The following CNTN5 variants were observed in gnomAD, a reference collection of about 807,000 sequenced individuals.
CNTN5 encodes contactin-5.
CNTN5 carries 77 observed loss-of-function variants against 129.1 expected under a neutral mutation model. The ratio of observed to expected loss-of-function variants is 0.60; its 90% CI spans 0.50 to 0.72. The LOEUF (loss-of-function observed/expected upper bound fraction) is 0.72. Among genes scored for constraint, CNTN5 ranks in the 30% least tolerant of loss-of-function variants. The pLI is 0.00. For synonymous variants in CNTN5, 509 were observed against 465.6 expected (o/e 1.09, Z -1.20); for missense variants, 1,478 against 1,328.8 (o/e 1.11, Z -1.75).
intron 6 of CNTN5, among the ~76,000 whole-genome samples, chr11:99,853,554 C>T (rs1947943037): frequency 6.6e-6 from 1 of 152,078 alleles, no homozygotes; most frequent in Admixed American, 6.6e-5. Context: ...CATGCGCCAC[C>T]ATGCCTGGCT....
intron 6 of CNTN5, among the ~76,000 whole-genome samples, chr11:99,893,148 C>T (rs894872563): frequency 6.6e-6 from 1 of 151,972 alleles, no homozygotes; most frequent in Non-Finnish European, 1.5e-5. Flanking sequence ...TAGGAAAATT[C>T]CAGAACATGA....
chr11:100,119,460 G>A (rs1240092969), intron 13 of CNTN5, among the ~76,000 whole-genome samples: 2 of 151,796 alleles, frequency 1.3e-5, no homozygotes, highest in Non-Finnish European at 2.9e-5. Context: ...CAACAAAACA[G>A]TTCTTACTAA....
At chr11:100,055,012 C>A (rs1419037320) in intron 9 of CNTN5, among the ~76,000 whole-genome samples, 1 of 110,754 alleles carries the variant, frequency 9.0e-6, no homozygotes, top group Admixed American at 1.2e-4. Context: ...TGCCAGAAAT[C>A]ATCATAGCCG....
At chr11:99,227,153 G>A (rs926207573) in intron 1 of CNTN5, among the ~76,000 whole-genome samples, 3 of 152,118 alleles carry the variant, frequency 2.0e-5, no homozygotes, top group Non-Finnish European at 1.5e-5. Context: ...GAGGTCAGGA[G>A]ATCAAGGCCA....
rs565049717 is a variant in CNTN5 at position 99,908,910 on chromosome 11, G to C, written c.578-7144G>C. On this transcript the variant is annotated intron_variant, in intron 6 of 24. Transcript: ENST00000524871. Reference sequence around the variant, plus strand: ...CCCTTTGGAGGACTGATTAATGTCTGATAATATGTAAAGTGAAAATGGCAA... The same window carrying C: ...CCCTTTGGAGGACTGATTAATGTCTCATAATATGTAAAGTGAAAATGGCAA... Among the ~76,000 whole-genome samples the C allele has an allele frequency of 2.0e-5, 3 of 152,100 alleles. No individual in the cohort carries two copies. In the East Asian group the frequency reaches 5.8e-4, roughly 29 times the overall value.
At position 100,256,395 on chromosome 11, in the gene CNTN5, A is replaced by G. The variant is rs576688868; in HGVS notation, c.2164+477A>G. 7.2e-5 allele frequency among the ~76,000 whole-genome samples: 11 copies of G among 152,326 alleles called. No individual in the cohort carries two copies. In the South Asian group the frequency reaches 2.3e-3, roughly 32 times the overall value. ...TATGAAATTTTATTATGTAGACTCA[A>G]GTAACCATCAAGACAATCAGGATAT... is the stretch of plus-strand genomic sequence containing the variant. On this transcript the variant is annotated intron_variant, in intron 17 of 24. Coordinates refer to ENST00000524871, the MANE Select transcript of CNTN5 (RefSeq NM_014361.4).
At chr11:99,099,644 G>C (rs994566840) in intron 1 of CNTN5, among the ~76,000 whole-genome samples, 1 of 151,982 alleles carries the variant, frequency 6.6e-6, no homozygotes, top group Middle Eastern at 3.4e-3. Flanking sequence ...TCATTGCCCA[G>C]ACTCCCACTT....
chr11:99,641,395 G>C (rs555373100), intron 3 of CNTN5, among the ~76,000 whole-genome samples: 3 of 121,948 alleles, frequency 2.5e-5, no homozygotes, highest in Non-Finnish European at 3.7e-5. Flanking sequence ...TTACTAAACT[G>C]TGAATTGGTT....
At chr11:99,520,965 C>A (rs1453300007) in intron 2 of CNTN5, among the ~76,000 whole-genome samples, 1 of 152,048 alleles carries the variant, frequency 6.6e-6, no homozygotes, top group Non-Finnish European at 1.5e-5. Flanking sequence ...CTTTCAATTG[C>A]ATAGTAATAT....
chr11:100,190,746 A>G (rs1479183933), intron 13 of CNTN5, among the ~76,000 whole-genome samples: 46 of 148,802 alleles, frequency 3.1e-4, no homozygotes, highest in Admixed American at 2.3e-3. Flanking sequence ...TTTTTTATAT[A>G]TGACTTTTGA....
At chr11:99,039,225 A>G (rs1269746280) in intron 1 of CNTN5, among the ~76,000 whole-genome samples, 1 of 152,194 alleles carries the variant, frequency 6.6e-6, no homozygotes, top group African/African-American at 2.4e-5. Context: ...AGAGGAATTG[A>G]TTTCAACAAA....
chr11:99,248,391 C>T (rs1243055008), intron 1 of CNTN5, among the ~76,000 whole-genome samples: 2 of 152,070 alleles, frequency 1.3e-5, no homozygotes, highest in Middle Eastern at 3.4e-3. Context: ...GATTGCAAAA[C>T]TTTTCTCCCT....
chr11:99,467,726 A>G (rs1689807318), intron 2 of CNTN5, among the ~76,000 whole-genome samples: 1 of 152,110 alleles, frequency 6.6e-6, no homozygotes, highest in African/African-American at 2.4e-5. Context: ...ACTTAACTAA[A>G]GTTAATTATT....
chr11:99,576,875 G>A (rs998873417), intron 3 of CNTN5, among the ~76,000 whole-genome samples: 6 of 152,100 alleles, frequency 3.9e-5, no homozygotes, highest in Non-Finnish European at 5.9e-5. Context: ...CCTCCCCAAA[G>A]TTCTCATCTC....
chr11:100,103,048 T>G (rs1945283835), intron 13 of CNTN5, among the ~76,000 whole-genome samples: 1 of 152,218 alleles, frequency 6.6e-6, no homozygotes, highest in Non-Finnish European at 1.5e-5. Context: ...GACTTCTAGC[T>G]CTAACTTCTG....
rs183491850 is a variant in CNTN5 at position 100,255,404 on chromosome 11, A to G, written c.2006-356A>G. 6.0e-4 allele frequency among the ~76,000 whole-genome samples: 91 copies of G among 151,886 alleles called. 2 individuals carry two copies. Among genetic ancestry groups the G allele is most frequent in the Admixed American group, 3.1e-3 (47 of 15,268 alleles). On this transcript the variant is annotated intron_variant, in intron 16 of 24. Transcript: ENST00000524871. ...TTTTGTCTCTGTAGCACTGCCTATC[A>G]TTTTCTGTTGCTGCCTCTGTAAACT...
At chr11:99,504,121 T>C (rs1946526470) in intron 2 of CNTN5, among the ~76,000 whole-genome samples, 1 of 152,224 alleles carries the variant, frequency 6.6e-6, no homozygotes, top group Non-Finnish European at 1.5e-5. Flanking sequence ...AGATTTAAGG[T>C]AATTTTAATA....
At chr11:100,163,884 T>C (rs1024942773) in intron 13 of CNTN5, among the ~76,000 whole-genome samples, 1 of 151,844 alleles carries the variant, frequency 6.6e-6, no homozygotes, top group East Asian at 1.9e-4. Flanking sequence ...CTTCATATGT[T>C]TTATATCATT....
At chr11:99,204,298 T>G (rs10892898) in intron 1 of CNTN5, among the ~76,000 whole-genome samples, 20,157 of 152,204 alleles carry the variant, frequency 0.13, 1,461 homozygotes, top group Middle Eastern at 0.24. Flanking sequence ...AGAAAAACCA[T>G]ACATATCTAG....
Sources: allele counts gnomAD v4.1 joint callset (sites outside exome capture counted in the v4.1 genomes callset), GRCh38; gene constraint gnomAD v4.1.1; transcripts MANE v1.5; gene names NCBI Gene and HGNC (gene_info 2026-07-23, HGNC 2026-07-21).